The following SPATA6 variants were observed in gnomAD, a reference collection of about 807,000 sequenced individuals.
The protein encoded by SPATA6 is spermatogenesis-associated protein 6.
A neutral mutation model predicts 65.3 loss-of-function variants in SPATA6; 56 were observed. That is an observed-to-expected ratio of 0.86 (90% CI 0.69 to 1.07). The LOEUF is 1.07. Ranked by LOEUF, SPATA6 falls within the 50% of genes least tolerant of loss-of-function variation. The pLI, the probability that SPATA6 is intolerant of heterozygous loss-of-function variation, is 0.00. For synonymous variants in SPATA6, 199 were observed against 213.2 expected, an observed-to-expected ratio of 0.93 and a Z score of 0.58; for missense variants, 590 against 594.8, an observed-to-expected ratio of 0.99 and a Z score of 0.08.
intron 9 of SPATA6, among the ~76,000 whole-genome samples, chr1:48,370,908 T>A (rs1415049537): frequency 6.6e-6 from 1 of 152,164 alleles, no homozygotes; most frequent in African/African-American, 2.4e-5. Context: ...TAATCCAATA[T>A]ACACAGCTAA....
At chr1:48,397,499 T>A (rs1410568454) in intron 7 of SPATA6, among the ~76,000 whole-genome samples, 2 of 151,874 alleles carry the variant, frequency 1.3e-5, no homozygotes, top group African/African-American at 4.8e-5. Flanking sequence ...TTCTTTAAGA[T>A]GAAAGAATCT....
At chr1:48,332,717 G>T (rs1174357867) in intron 11 of SPATA6, among the ~76,000 whole-genome samples, 1 of 152,120 alleles carries the variant, frequency 6.6e-6, no homozygotes, top group Non-Finnish European at 1.5e-5. Context: ...AACACTTGAC[G>T]AAATGGAGCT....
the SPATA6 span, among the ~76,000 whole-genome samples, chr1:48,275,219 T>A: frequency 6.6e-6 from 1 of 152,238 alleles, no homozygotes; most frequent in African/African-American, 2.4e-5. Flanking sequence ...AAGTTGCTTA[T>A]CAGCTTAAGG....
intron 11 of SPATA6, among the ~76,000 whole-genome samples, chr1:48,340,652 G>C (rs1646189816): frequency 2.0e-5 from 3 of 151,654 alleles, no homozygotes; most frequent in Admixed American, 2.0e-4. Context: ...GATAAAAAAA[G>C]AAATATAAAC....
chr1:48,429,216 T>C (rs1654174922), intron 3 of SPATA6, among the ~76,000 whole-genome samples: 2 of 152,148 alleles, frequency 1.3e-5, no homozygotes, highest in South Asian at 4.1e-4. Flanking sequence ...AAGAGCCTTA[T>C]GGCCATGTTG....
chr1:48,370,920 G>A (rs1017258034), intron 9 of SPATA6, among the ~76,000 whole-genome samples: 14 of 151,988 alleles, frequency 9.2e-5, no homozygotes, highest in Non-Finnish European at 1.6e-4. Flanking sequence ...CACAGCTAAG[G>A]AACAAACTGA....
chr1:48,451,652 T>C, intron 2 of SPATA6, 52 bp from the exon 3 acceptor site: 2 of 1,529,484 alleles, frequency 1.3e-6, no homozygotes, highest in Non-Finnish European at 1.8e-6. Context: ...ATATTTTTTT[T>C]CTCCCTTCAT....
chr1:48,315,359 A>G (rs531753130), intron 11 of SPATA6, among the ~76,000 whole-genome samples: 168 of 152,340 alleles, frequency 1.1e-3, no homozygotes, highest in South Asian at 8.9e-3. Context: ...AGTGGGCTTC[A>G]TCCCTGGGAT....
At chr1:48,282,620 C>G in the SPATA6 span, among the ~76,000 whole-genome samples, 15 of 152,106 alleles carry the variant, frequency 9.9e-5, no homozygotes, top group Non-Finnish European at 1.9e-4. Context: ...AAATGCAAAT[C>G]AAAACCACAG....
chr1:48,273,154 C>T, the SPATA6 span, among the ~76,000 whole-genome samples: 1 of 151,952 alleles, frequency 6.6e-6, no homozygotes, highest in Non-Finnish European at 1.5e-5. Flanking sequence ...TGTTGTCTGT[C>T]CTTTTGTTAT....
chr1:48,327,254 A>G (rs1186071939), intron 11 of SPATA6, among the ~76,000 whole-genome samples: 2 of 152,206 alleles, frequency 1.3e-5, no homozygotes, highest in African/African-American at 4.8e-5. Context: ...AATGCTCAAC[A>G]TCACTAATCA....
At chr1:48,438,187 C>T (rs375539591) in intron 3 of SPATA6, among the ~76,000 whole-genome samples, 9 of 152,154 alleles carry the variant, frequency 5.9e-5, no homozygotes, top group East Asian at 5.8e-4. Context: ...TAACACTCCC[C>T]GCAAAGGTCC....
the SPATA6 span, among the ~76,000 whole-genome samples, chr1:48,281,985 G>A: frequency 1.8e-4 from 28 of 152,060 alleles, no homozygotes; most frequent in Non-Finnish European, 4.0e-4. Flanking sequence ...CCAAAACAGA[G>A]ATATATATCA....
chr1:48,437,530 T>C (rs1388005159), intron 3 of SPATA6, among the ~76,000 whole-genome samples: 1 of 152,204 alleles, frequency 6.6e-6, no homozygotes. Flanking sequence ...AGTTAATTTT[T>C]TTCAGTATTT....
At chr1:48,345,676 A>G (rs1202580752) in intron 11 of SPATA6, among the ~76,000 whole-genome samples, 1 of 152,144 alleles carries the variant, frequency 6.6e-6, no homozygotes, top group African/African-American at 2.4e-5. Flanking sequence ...CTGACCCCAC[A>G]GAAATGAAAA....
intron 11 of SPATA6, among the ~76,000 whole-genome samples, chr1:48,315,806 A>C (rs1256525649): frequency 8.5e-5 from 13 of 152,208 alleles, no homozygotes. Context: ...ATCTCAGCCC[A>C]AAATCTCCTT....
chr1:48,463,584 T>A (rs2148192692), intron 1 of SPATA6, among the ~76,000 whole-genome samples: 1 of 152,038 alleles, frequency 6.6e-6, no homozygotes, highest in Admixed American at 6.6e-5. Context: ...TGAGAAAAAA[T>A]ATTGCAAATT....
At chr1:48,359,110 G>C (rs1160374852) in intron 10 of SPATA6, among the ~76,000 whole-genome samples, 1 of 152,128 alleles carries the variant, frequency 6.6e-6, no homozygotes. Flanking sequence ...GGTTGCCATA[G>C]CATTTTTAAA....
the SPATA6 span, among the ~76,000 whole-genome samples, chr1:48,264,935 A>G: frequency 6.6e-6 from 1 of 152,204 alleles, no homozygotes; most frequent in East Asian, 1.9e-4. Context: ...TCCTTGAGAA[A>G]TCACCACACT....
Sources: allele counts gnomAD v4.1 joint callset (sites outside exome capture counted in the v4.1 genomes callset), GRCh38; gene constraint gnomAD v4.1.1; transcripts MANE v1.5; gene names NCBI Gene and HGNC (gene_info 2026-07-23, HGNC 2026-07-21).